FOXN2: variants seen among roughly 807,000 people sequenced by gnomAD.
FOXN2 encodes forkhead box N2.
FOXN2 carries 19 observed loss-of-function variants against 41.2 expected under a neutral mutation model. The observed-to-expected ratio is 0.46, with a 90% confidence interval of 0.32 to 0.68. FOXN2 has a LOEUF of 0.68. FOXN2 is among the 30% of genes least tolerant of loss of function. FOXN2 has a pLI of 0.03. For missense variants in FOXN2, 587 were observed against 509.4 expected, an observed-to-expected ratio of 1.15 and a Z score of -1.47; for synonymous variants, 195 against 176.8, an observed-to-expected ratio of 1.10 and a Z score of -0.82.
intron 3 of FOXN2, among the ~76,000 whole-genome samples, chr2:48,357,952 C>T (rs1428876207): frequency 6.6e-6 from 1 of 150,408 alleles, no homozygotes; most frequent in Admixed American, 6.6e-5. Flanking sequence ...AAATGTTTCT[C>T]CTGATAATCC....
At chr2:48,316,257 G>T (rs1668914014) in intron 1 of FOXN2, among the ~76,000 whole-genome samples, 1 of 151,980 alleles carries the variant, frequency 6.6e-6, no homozygotes. Context: ...CTGCTGTTTT[G>T]TTGATCCATC....
At chr2:48,362,833 C>T in intron 5 of FOXN2, 126 bp downstream of exon 5, 1 of 752,514 alleles carries the variant, frequency 1.3e-6, no homozygotes, top group Non-Finnish European at 2.2e-6. Context: ...GCCTGGTGCC[C>T]TGGTAGCTTG....
At chr2:48,338,688 C>T (rs1670534191) in intron 2 of FOXN2, among the ~76,000 whole-genome samples, 3 of 152,224 alleles carry the variant, frequency 2.0e-5, no homozygotes, top group South Asian at 4.1e-4. Context: ...CATGAGCCAC[C>T]GCGCCTGGCC....
chr2:48,347,022 C>G (rs985083779), intron 3 of FOXN2, among the ~76,000 whole-genome samples: 3 of 151,906 alleles, frequency 2.0e-5, no homozygotes, highest in Non-Finnish European at 4.4e-5. Flanking sequence ...TGTAGTGTTC[C>G]TATAACTATC....
At chr2:48,326,818 G>A (rs1278292219) in intron 1 of FOXN2, among the ~76,000 whole-genome samples, 1 of 152,082 alleles carries the variant, frequency 6.6e-6, no homozygotes, top group African/African-American at 2.4e-5. Flanking sequence ...AAACATAAAT[G>A]AATATTATGT....
rs571188281 is a variant in FOXN2, at chr2:48,335,211, T to C, written c.-15+6509T>C. ...AAATAGAAAACAAATACGTTTAATA[T>C]GTTCAGTAACAGGCTTAAAAATGAA... On this transcript the variant is annotated intron_variant, in intron 2 of 6. Coordinates refer to ENST00000340553, the MANE Select transcript of FOXN2 (RefSeq NM_002158.4). Among the ~76,000 whole-genome samples, 47 of 152,358 alleles carry C rather than the reference T, an allele frequency of 3.1e-4. No individual in the cohort carries two copies. In the South Asian group the frequency reaches 9.5e-3, roughly 31 times the overall value.
At chr2:48,370,651 GGTTT>G (rs1227508722) in intron 5 of FOXN2, among the ~76,000 whole-genome samples, 2 of 151,994 alleles carry the variant, frequency 1.3e-5, no homozygotes, top group African/African-American at 2.4e-5. Flanking sequence ...AGAGGATTTT[GGTTT>G]GTTTGTTTTC....
At chr2:48,327,134 C>T (rs1278817578) in intron 1 of FOXN2, among the ~76,000 whole-genome samples, 2 of 151,974 alleles carry the variant, frequency 1.3e-5, no homozygotes, top group Admixed American at 6.6e-5. Context: ...TCCCAAATGC[C>T]TGTCCTACTT....
chr2:48,342,343 T>C (rs1445870628), intron 2 of FOXN2, among the ~76,000 whole-genome samples: 1 of 152,138 alleles, frequency 6.6e-6, no homozygotes, highest in Non-Finnish European at 1.5e-5. Flanking sequence ...CCATTATCTT[T>C]AATAATTCTT....
At chr2:48,363,881 C>T (rs573638424) in intron 5 of FOXN2, among the ~76,000 whole-genome samples, 2 of 152,276 alleles carry the variant, frequency 1.3e-5, no homozygotes, top group Non-Finnish European at 2.9e-5. Context: ...CAGTACATTT[C>T]TCAGAACATA....
intron 2 of FOXN2, among the ~76,000 whole-genome samples, chr2:48,335,198 A>G (rs1670255474): frequency 6.6e-6 from 1 of 152,250 alleles, no homozygotes; most frequent in Non-Finnish European, 1.5e-5. Context: ...ATAGAAAACA[A>G]ATACGTTTAA....
chr2:48,334,061 AC>A (rs1419806806), intron 2 of FOXN2, among the ~76,000 whole-genome samples: 1 of 152,004 alleles, frequency 6.6e-6, no homozygotes, highest in African/African-American at 2.4e-5. Flanking sequence ...TTTTTTGGTA[AC>A]TTAAATATAG....
At chr2:48,327,693 C>T (rs757864127) in intron 1 of FOXN2, among the ~76,000 whole-genome samples, 1 of 152,160 alleles carries the variant, frequency 6.6e-6, no homozygotes, top group Non-Finnish European at 1.5e-5. Flanking sequence ...GATCCACCTG[C>T]CTTGGCCTCC....
chr2:48,362,559 T>A, intron 4 of FOXN2, 84 bp from the exon 5 acceptor site: 1 of 1,196,570 alleles, frequency 8.4e-7, no homozygotes, highest in East Asian at 2.4e-5. Flanking sequence ...GCCAGCAGAG[T>A]GAGAGAGAAC....
chr2:48,327,962 T>A (rs1669789035), intron 1 of FOXN2, among the ~76,000 whole-genome samples: 1 of 152,178 alleles, frequency 6.6e-6, no homozygotes, highest in Non-Finnish European at 1.5e-5. Context: ...AAATTTGACA[T>A]TGGGGCTATT....
At chr2:48,321,743 A>T (rs1669335338) in intron 1 of FOXN2, among the ~76,000 whole-genome samples, 1 of 152,150 alleles carries the variant, frequency 6.6e-6, no homozygotes, top group Non-Finnish European at 1.5e-5. Context: ...AAAAAAATCT[A>T]AAAAAATTTT....
At chr2:48,355,673 C>A (rs540910589) in intron 3 of FOXN2, among the ~76,000 whole-genome samples, 1 of 152,020 alleles carries the variant, frequency 6.6e-6, no homozygotes, top group Non-Finnish European at 1.5e-5. Context: ...TTGCATTTGG[C>A]AACCTTGACA....
At position 48,377,862 on chromosome 2, in the gene FOXN2, A is replaced by C. The variant is rs923176871; in HGVS notation, c.*2419A>C. ...CACTGAGAGTATGCTCTCATTCCTC[A>C]GGTGTTTTGAGAAACATGACTAATA... On this transcript the variant is annotated 3_prime_UTR_variant, in exon 7 of 7. Transcript: ENST00000340553. 1 of 152,026 alleles carries C rather than the reference A, an allele frequency of 6.6e-6. No homozygotes were observed. 9.4% of individuals were successfully genotyped at this position (152,026 alleles called of 1,614,324 possible).
chr2:48,362,194 G>C (rs984967260), intron 4 of FOXN2, among the ~76,000 whole-genome samples: 5 of 152,142 alleles, frequency 3.3e-5, no homozygotes, highest in Non-Finnish European at 5.9e-5. Context: ...AAATTGAGTA[G>C]TATTAGCAAA....
Sources: allele counts gnomAD v4.1 joint callset (sites outside exome capture counted in the v4.1 genomes callset), GRCh38; gene constraint gnomAD v4.1.1; transcripts MANE v1.5; gene names NCBI Gene and HGNC (gene_info 2026-07-23, HGNC 2026-07-21).